CABYR: variants seen among roughly 807,000 people sequenced by gnomAD.
The protein encoded by CABYR is calcium-binding tyrosine phosphorylation-regulated protein.
A neutral mutation model predicts 36.1 loss-of-function variants in CABYR; 31 were observed. The observed-to-expected ratio is 0.86, with a 90% CI of 0.64 to 1.16. The LOEUF (loss-of-function observed/expected upper bound fraction) is 1.16, where lower values mean the gene tolerates loss of function less well. CABYR is among the 50% of genes most tolerant of loss of function. CABYR has a pLI of 0.00. For missense variants in CABYR, 429 were observed against 455.8 expected, an observed-to-expected ratio of 0.94 and a Z score of 0.53; for synonymous variants, 146 against 160.7, an observed-to-expected ratio of 0.91 and a Z score of 0.69.
intron 3 of CABYR, among the ~76,000 whole-genome samples, chr18:24,150,083 C>G (rs568861487): frequency 1.6e-4 from 24 of 152,260 alleles, no homozygotes; most frequent in Non-Finnish European, 3.1e-4. Context: ...CGAGCAAGGG[C>G]TCTGAGGACT....
At chr18:24,148,098 G>A (rs867195144) in intron 3 of CABYR, among the ~76,000 whole-genome samples, 13 of 152,254 alleles carry the variant, frequency 8.5e-5, no homozygotes, top group Middle Eastern at 3.4e-3. Context: ...ATTAAGAAAG[G>A]AACACTTTTG....
chr18:24,159,044 G>C (rs766168662), intron 4 of CABYR, among the ~76,000 whole-genome samples: 3 of 152,296 alleles, frequency 2.0e-5, no homozygotes, highest in South Asian at 4.1e-4. Context: ...ATGACACCTA[G>C]TGCTAACTTC....
At chr18:24,160,450 A>G (rs902235087) in intron 5 of CABYR, among the ~76,000 whole-genome samples, 1 of 152,212 alleles carries the variant, frequency 6.6e-6, no homozygotes, top group Non-Finnish European at 1.5e-5. Context: ...ACAACTGAAG[A>G]GCAAGGTAAG....
intron 1 of CABYR, 63 bp from the exon 2 acceptor site, chr18:24,143,028 A>G (rs1377728986): frequency 8.0e-7 from 1 of 1,247,796 alleles, no homozygotes; most frequent in Non-Finnish European, 1.1e-6. Context: ...GTCTCAAAAA[A>G]AAAAAAAAAA....
At chr18:24,158,190 C>T (rs1046554912) in intron 4 of CABYR, among the ~76,000 whole-genome samples, 6 of 152,118 alleles carry the variant, frequency 3.9e-5, no homozygotes, top group African/African-American at 1.4e-4. Flanking sequence ...TTATCAAAAC[C>T]TCTCTCCCTG....
intron 5 of CABYR, chr18:24,160,310 T>TA (rs2085922267): frequency 4.0e-6 from 2 of 494,446 alleles, no homozygotes; most frequent in East Asian, 7.0e-5. Flanking sequence ...TACATGAAAC[T>TA]AATGAACTCA....
intron 5 of CABYR, 53 bp from the exon 6 acceptor site, chr18:24,161,463 T>A (rs1320731862): frequency 5.1e-6 from 4 of 776,846 alleles, no homozygotes; most frequent in Non-Finnish European, 9.6e-6. Flanking sequence ...ATTTCACATG[T>A]TCGGTTTCAT....
intron 3 of CABYR, among the ~76,000 whole-genome samples, chr18:24,145,093 G>A (rs1429146897): frequency 1.3e-5 from 2 of 152,162 alleles, no homozygotes; most frequent in Non-Finnish European, 2.9e-5. Context: ...TTTGATTTGG[G>A]CTTATGTTCC....
At chr18:24,158,863 G>A (rs73406180) in intron 4 of CABYR, among the ~76,000 whole-genome samples, 2,402 of 152,130 alleles carry the variant, frequency 0.016, 66 homozygotes, top group African/African-American at 0.054. Flanking sequence ...AATCCCTGTG[G>A]GACCAGCCAG....
chr18:24,147,971 C>T (rs547038611), intron 3 of CABYR, among the ~76,000 whole-genome samples: 25 of 152,324 alleles, frequency 1.6e-4, no homozygotes, highest in Non-Finnish European at 3.2e-4. Context: ...AGGCACTCTG[C>T]TGTGTCATTC....
chr18:24,143,039 A>AAC, intron 1 of CABYR, 52 bp from the exon 2 acceptor site: 39 of 1,314,248 alleles, frequency 3.0e-5, no homozygotes, highest in Middle Eastern at 2.4e-4. Flanking sequence ...AAAAAAAAAA[A>AAC]AAACCTATTT....
chr18:24,156,634 A>T (rs1285515532), intron 4 of CABYR: 2 of 1,614,208 alleles, frequency 1.2e-6, no homozygotes, highest in East Asian at 2.2e-5. Context: ...TCCTCAGTAT[A>T]TATGGAGGCA....
At chr18:24,144,961 A>C (rs918303794) in intron 3 of CABYR, among the ~76,000 whole-genome samples, 3 of 152,326 alleles carry the variant, frequency 2.0e-5, no homozygotes, top group Admixed American at 2.0e-4. Flanking sequence ...TGGCATCCAA[A>C]GCTTTCTATG....
At chr18:24,144,958 C>G (rs925720589) in intron 3 of CABYR, among the ~76,000 whole-genome samples, 1 of 152,204 alleles carries the variant, frequency 6.6e-6, no homozygotes. Flanking sequence ...GCATGGCATC[C>G]AAAGCTTTCT....
At chr18:24,142,523 T>C (rs1443118396) in intron 1 of CABYR, among the ~76,000 whole-genome samples, 2 of 152,130 alleles carry the variant, frequency 1.3e-5, no homozygotes, top group Non-Finnish European at 2.9e-5. Context: ...GAGGCAGGTC[T>C]TGTTTTTTGT....
intron 3 of CABYR, chr18:24,152,556 G>A (rs2085669610): frequency 6.6e-6 from 1 of 152,174 alleles, no homozygotes; most frequent in African/African-American, 2.4e-5. Flanking sequence ...GTGGTTATAA[G>A]GGATGTTTTT....
In CABYR at chr18:24,156,169, C is replaced by T. The variant is rs1418285769; in HGVS notation, c.541+127C>T. ...GCTGAAGATGTCATGGTGGCTGCTC[C>T]TCTTGTGTGTTCTGGAAAGGTGCTA... is the stretch of plus-strand genomic sequence containing the variant. On this transcript the variant is annotated intron_variant, in intron 4 of 5. Coordinates refer to ENST00000399496, the MANE Select transcript of CABYR (RefSeq NM_153769.3). The T allele has an allele frequency of 6.2e-7, 1 of 1,614,188 alleles. No individual in the cohort carries two copies. Among genetic ancestry groups the T allele is most frequent in the Admixed American group, 1.7e-5 (1 of 60,032 alleles).
chr18:24,141,005 A>G (rs946251029), intron 1 of CABYR, among the ~76,000 whole-genome samples: 1 of 152,204 alleles, frequency 6.6e-6, no homozygotes, highest in Non-Finnish European at 1.5e-5. Flanking sequence ...TGGAACAAAC[A>G]TGGGAGTGCA....
At chr18:24,154,102 CAAAAA>C (rs33985751) in intron 3 of CABYR, among the ~76,000 whole-genome samples, 39 of 57,434 alleles carry the variant, frequency 6.8e-4, no homozygotes, top group South Asian at 4.8e-3. Context: ...GACTCCATCT[CAAAAA>C]AAAAAAAAAA....
Sources: gnomAD v4.1 joint callset for allele counts (sites outside exome capture counted in the v4.1 genomes callset) on GRCh38, gnomAD v4.1.1 for gene constraint, MANE v1.5 for transcripts, NCBI Gene and HGNC (gene_info 2026-07-23, HGNC 2026-07-21) for gene names.